SPG7: variants seen among roughly 807,000 people sequenced by gnomAD.
SPG7 encodes the protein mitochondrial inner membrane m-AAA protease component paraplegin.
In SPG7, 103 loss-of-function variants were observed where a neutral mutation model predicts 81.9. That is an observed-to-expected ratio of 1.26 (90% confidence interval 1.07 to 1.48). The LOEUF is 1.48. Ranked by LOEUF, SPG7 falls within the 40% of genes most tolerant of loss-of-function variation. SPG7 has a pLI of 0.00. For synonymous variants in SPG7, 534 were observed against 444.2 expected, an observed-to-expected ratio of 1.20 and a Z score of -2.54; for missense variants, 1,241 against 1,087.3, an observed-to-expected ratio of 1.14 and a Z score of -1.99.
At position 89,532,647 on chromosome 16, in the gene SPG7, G is replaced by T; in HGVS notation, c.1324+11G>T. On this transcript the variant is annotated intron_variant, in intron 9 of 16. Transcript: ENST00000645818. The stretch of plus-strand genomic sequence containing the variant: ...TGGTAGAAATGGATGGTCAGTGCTC[G>T]TGCGCCCCGCACCCCCATTGCACCA... The T allele has an allele frequency of 1.2e-6, 2 of 1,612,962 alleles. No individual in the cohort carries two copies. The highest frequency in any genetic ancestry group is 1.7e-6 in the Non-Finnish European group (2 of 1,180,006).
chr16:89,513,849 T>C (rs1229748574), intron 3 of SPG7, among the ~76,000 whole-genome samples: 1 of 152,240 alleles, frequency 6.6e-6, no homozygotes, highest in Non-Finnish European at 1.5e-5. Context: ...CATAAGGACT[T>C]TTTCTTCCCA....
intron 9 of SPG7, chr16:89,537,615 T>TCCA: frequency 1.1e-6 from 1 of 934,954 alleles, no homozygotes; most frequent in Non-Finnish European, 1.3e-6. Flanking sequence ...CACTGCAGCC[T>TCCA]CCACCTCCTA....
intron 9 of SPG7, among the ~76,000 whole-genome samples, chr16:89,535,939 G>C (rs4785693): frequency 4.1e-5 from 4 of 97,002 alleles, no homozygotes; most frequent in Admixed American, 1.1e-4. Context: ...ATGGCCTTCA[G>C]TGTGGCCTCT....
At position 89,553,883 on chromosome 16, in the gene SPG7, T is replaced by C. The variant is rs72547553; in HGVS notation, c.2026T>C (p.Phe676Leu). The change falls in exon 15 of 17, where the codon TTC (phenylalanine) becomes CTC (leucine). Residue 676 changes from phenylalanine to leucine, a missense_variant. Phe to Leu is a conservative substitution (Grantham distance 22, BLOSUM62 0). Transcript: ENST00000645818. Reference protein sequence around the residue: ...GMAPGIGPISFPEAQEGLMGI... With the variant: ...GMAPGIGPISLPEAQEGLMGI... ...GGCACCTGGCATCGGGCCCATCTCCTTCCCTGAGGCGCAGGAGGGCCTCAT... is the reference window on the plus strand; with the variant it reads ...GGCACCTGGCATCGGGCCCATCTCCCTCCCTGAGGCGCAGGAGGGCCTCAT... 6.2e-6 allele frequency: 10 copies of C among 1,613,166 alleles called. No homozygotes were observed. The highest frequency in any genetic ancestry group is 8.5e-6 in the Non-Finnish European group (10 of 1,179,808).
chr16:89,510,510 A>G lies in SPG7; in HGVS notation c.204A>G (p.Leu68=), dbSNP rs566363528. The G allele has an allele frequency of 7.5e-6, 12 of 1,606,588 alleles. No individual in the cohort carries two copies. The highest frequency in any genetic ancestry group is 2.2e-5 in the East Asian group (1 of 44,836). Residue 68 remains leucine (L), a synonymous_variant, in exon 2 of 17, where the codon CTA becomes CTG. Transcript: ENST00000645818. ...RALQSLQLRL[L]TPTFEGINGL... ...TTCAGAGCTTACAATTGAGACTGCT[A>G]ACCCCTACCTTTGAAGGGATCAACG...
intron 12 of SPG7, chr16:89,549,239 C>T (rs746634410): frequency 4.2e-5 from 19 of 456,822 alleles, no homozygotes; most frequent in African/African-American, 2.8e-4. Context: ...AAATACATGA[C>T]GTACTTGAGT....
chr16:89,546,658 G>A lies in SPG7; in HGVS notation c.1450G>A (p.Glu484Lys). The A allele has an allele frequency of 6.2e-7, 1 of 1,609,600 alleles. No individual in the cohort carries two copies. Among genetic ancestry groups the A allele is most frequent in the Non-Finnish European group, 8.5e-7 (1 of 1,176,070 alleles). The change falls in exon 11 of 17, where the codon GAG (glutamate) becomes AAG (lysine). Residue 484 changes from glutamate (E) to lysine (K), a missense_variant and splice_region_variant. Coordinates refer to ENST00000645818, the MANE Select transcript of SPG7 (RefSeq NM_003119.4). ...HVFIDLPTLQ[E>K]RREIFEQHLK... ...GTCTTTCCTCCCCTGGTTCTGGCAGGAGAGGCGGGAGATTTTTGAGCAGCA... is the reference window on the plus strand; with the variant it reads ...GTCTTTCCTCCCCTGGTTCTGGCAGAAGAGGCGGGAGATTTTTGAGCAGCA...
At chr16:89,537,842 C>A in intron 9 of SPG7, 4 of 908,324 alleles carry the variant, frequency 4.4e-6, no homozygotes, top group Non-Finnish European at 5.3e-6. Context: ...ACACCCCTAC[C>A]TTTGTCCTTA....
At chr16:89,516,230 C>T (rs2058094587) in intron 3 of SPG7, among the ~76,000 whole-genome samples, 1 of 149,850 alleles carries the variant, frequency 6.7e-6, no homozygotes, top group Non-Finnish European at 1.5e-5. Context: ...TCAGGTGATC[C>T]ACTCGCCTTG....
chr16:89,548,248 G>A (rs955010751), intron 12 of SPG7, 135 bp downstream of exon 12: 5 of 672,070 alleles, frequency 7.4e-6, no homozygotes, highest in Admixed American at 2.1e-5. Context: ...TCAGTTCTGC[G>A]TAACTCATGT....
intron 3 of SPG7, among the ~76,000 whole-genome samples, chr16:89,515,729 G>C (rs1331261939): frequency 1.3e-5 from 2 of 148,306 alleles, no homozygotes; most frequent in Non-Finnish European, 3.0e-5. Flanking sequence ...TTTTTTTTGA[G>C]ATGGGGTCTC....
chr16:89,553,267 G>C, intron 14 of SPG7, 132 bp downstream of exon 14: 1 of 1,013,094 alleles, frequency 9.9e-7, no homozygotes, highest in South Asian at 1.4e-5. Flanking sequence ...TTTTGTAAAA[G>C]ATAAGTTGTG....
At chr16:89,525,121 G>A (rs545065623) in intron 4 of SPG7, among the ~76,000 whole-genome samples, 6 of 151,878 alleles carry the variant, frequency 4.0e-5, no homozygotes, top group African/African-American at 1.4e-4. Flanking sequence ...CACCACACTT[G>A]GCTAATTTTT....
intron 3 of SPG7, among the ~76,000 whole-genome samples, chr16:89,516,234 C>T (rs911029660): frequency 1.3e-5 from 2 of 151,798 alleles, no homozygotes; most frequent in South Asian, 4.2e-4. Context: ...GTGATCCACT[C>T]GCCTTGGTCT....
chr16:89,545,266 C>T (rs1310775001), intron 10 of SPG7: 3 of 264,460 alleles, frequency 1.1e-5, no homozygotes, highest in Non-Finnish European at 2.2e-5. Flanking sequence ...GATCCCTCCT[C>T]TGTCACAGGG....
At chr16:89,521,929 C>G (rs545185777) in intron 3 of SPG7, 3 of 151,748 alleles carry the variant, frequency 2.0e-5, no homozygotes, top group Admixed American at 1.3e-4. Context: ...CAGTGTGGGT[C>G]GTGATTCTGG....
intron 5 of SPG7, chr16:89,528,676 A>C (rs2058301809): frequency 6.8e-6 from 1 of 146,260 alleles, no homozygotes; most frequent in Non-Finnish European, 1.5e-5. Flanking sequence ...GTGCAATCTC[A>C]GCTTACTGCA....
intron 15 of SPG7, 120 bp downstream of exon 15, chr16:89,554,080 G>A: frequency 3.8e-6 from 4 of 1,042,318 alleles, no homozygotes. Flanking sequence ...GCCCCACCTG[G>A]GTTTCTTCCT....
chr16:89,530,858 C>A (rs776877989), intron 7 of SPG7, 50 bp downstream of exon 7: 7 of 1,612,050 alleles, frequency 4.3e-6, no homozygotes, highest in Non-Finnish European at 5.9e-6. Flanking sequence ...GCCGGCCGTC[C>A]TCCTCTCCCA....
Sources: gnomAD v4.1 joint callset for allele counts (sites outside exome capture counted in the v4.1 genomes callset) on GRCh38, gnomAD v4.1.1 for gene constraint, MANE v1.5 for transcripts, NCBI Gene and HGNC (gene_info 2026-07-23, HGNC 2026-07-21) for gene names.